Variants in DLGAP2 observed in about 807,000 individuals in gnomAD.
The protein encoded by DLGAP2 is DLG associated protein 2, also known as disks large-associated protein 2.
Under a neutral mutation model 100.3 loss-of-function variants are expected in DLGAP2, and 26 were observed. The ratio of observed to expected loss-of-function variants is 0.26; its 90% CI spans 0.19 to 0.36. The LOEUF (loss-of-function observed/expected upper bound fraction) is 0.36. Among genes scored for constraint, DLGAP2 ranks in the 10% least tolerant of loss-of-function variants. The probability of loss-of-function intolerance (pLI) is 1.00; values close to 1 mark genes in which losing one functional copy is unlikely to be tolerated. For synonymous variants in DLGAP2, 886 were observed against 630.1 expected, an observed-to-expected ratio of 1.41 and a Z score of -6.08; for missense variants, 1,858 against 1,453.2, an observed-to-expected ratio of 1.28 and a Z score of -4.53.
At chr8:1,076,619 C>A (rs2600499) in intron 2 of DLGAP2, among the ~76,000 whole-genome samples, 3 of 152,064 alleles carry the variant, frequency 2.0e-5, no homozygotes, top group Admixed American at 2.0e-4. Flanking sequence ...AGAAACTTTG[C>A]GGTCTGTACG....
chr8:1,342,800 A>G (rs78814416), intron 3 of DLGAP2, among the ~76,000 whole-genome samples: 45 of 152,270 alleles, frequency 3.0e-4, no homozygotes, highest in African/African-American at 1.1e-3. Context: ...TGTGGTGCCT[A>G]TTTGTCATTT....
At chr8:1,524,050 T>A (rs916636824) in intron 4 of DLGAP2, among the ~76,000 whole-genome samples, 1 of 152,206 alleles carries the variant, frequency 6.6e-6, no homozygotes, top group Non-Finnish European at 1.5e-5. Context: ...GTTTCTGATC[T>A]GCAGGGACGT....
rs561024118 is a variant in DLGAP2 at position 1,029,201 on chromosome 8, A to C, written c.73+121235A>C. Among the ~76,000 whole-genome samples, 395 of 152,290 alleles carry C rather than the reference A, an allele frequency of 2.6e-3. 2 individuals are homozygous for C. Among genetic ancestry groups the C allele is most frequent in the Non-Finnish European group, 4.8e-3 (325 of 68,020 alleles). ...AGCGGGAGGGCTCTGTAGAAAGTCCACAGAGCCTGCACTGGAACCGCTTGG... is the reference window on the plus strand; with the variant it reads ...AGCGGGAGGGCTCTGTAGAAAGTCCCCAGAGCCTGCACTGGAACCGCTTGG... On this transcript the variant is annotated intron_variant, in intron 2 of 14. Coordinates refer to ENST00000637795, the MANE Select transcript of DLGAP2 (RefSeq NM_001346810.2).
At chr8:1,409,921 T>G (rs753940540) in intron 3 of DLGAP2, among the ~76,000 whole-genome samples, 2 of 152,190 alleles carry the variant, frequency 1.3e-5, no homozygotes, top group African/African-American at 2.4e-5. Flanking sequence ...GCTGTGGGGC[T>G]TCTCAGCCTC....
At chr8:1,351,755 C>G (rs370204018) in intron 3 of DLGAP2, among the ~76,000 whole-genome samples, 17 of 45,806 alleles carry the variant, frequency 3.7e-4, no homozygotes, top group South Asian at 1.7e-3. Flanking sequence ...CGGGTCCTGA[C>G]TATGTGTGGA....
intron 2 of DLGAP2, among the ~76,000 whole-genome samples, chr8:1,213,037 G>A (rs1484401577): frequency 6.6e-6 from 1 of 152,066 alleles, no homozygotes; most frequent in East Asian, 1.9e-4. Context: ...GTCTCATGAT[G>A]AGAATTTGGG....
chr8:791,895 C>T (rs1267028759), intron 1 of DLGAP2, among the ~76,000 whole-genome samples: 1 of 152,174 alleles, frequency 6.6e-6, no homozygotes, highest in Non-Finnish European at 1.5e-5. Flanking sequence ...CAGTAAGTTG[C>T]ACACCCCATT....
chr8:987,119 C>T lies in DLGAP2; in HGVS notation c.73+79153C>T, dbSNP rs375924425. Reference sequence around the variant, plus strand: ...TTTTCCTATACTTCTTTGGGCATTTCGGTTCTTCCTGAATTCTCTCTGCTC... The same window carrying T: ...TTTTCCTATACTTCTTTGGGCATTTTGGTTCTTCCTGAATTCTCTCTGCTC... On this transcript the variant is annotated intron_variant, in intron 2 of 14. Coordinates refer to ENST00000637795, the MANE Select transcript of DLGAP2 (RefSeq NM_001346810.2). Among the ~76,000 whole-genome samples the T allele has an allele frequency of 9.9e-5, 15 of 152,272 alleles. No homozygotes were observed. The South Asian group carries it at 2.7e-3, about 27-fold the overall frequency.
At chr8:1,370,962 G>A (rs113846513) in intron 3 of DLGAP2, among the ~76,000 whole-genome samples, 34 of 152,350 alleles carry the variant, frequency 2.2e-4, no homozygotes, top group African/African-American at 6.3e-4. Flanking sequence ...TATGTTAGGC[G>A]CCTAGAACAG....
At chr8:825,415 T>C (rs1430807634) in intron 1 of DLGAP2, among the ~76,000 whole-genome samples, 1 of 152,226 alleles carries the variant, frequency 6.6e-6, no homozygotes, top group Non-Finnish European at 1.5e-5. Context: ...CCACAGAAGC[T>C]GGCCTCTGCC....
intron 1 of DLGAP2, among the ~76,000 whole-genome samples, chr8:899,273 A>G (rs769748237): frequency 6.6e-6 from 1 of 152,234 alleles, no homozygotes; most frequent in Non-Finnish European, 1.5e-5. Flanking sequence ...GGTGCAGCAC[A>G]GCCTGTGAGC....
chr8:1,017,774 G>A (rs531651396), intron 2 of DLGAP2, among the ~76,000 whole-genome samples: 9 of 152,086 alleles, frequency 5.9e-5, no homozygotes, highest in South Asian at 2.1e-4. Flanking sequence ...GGGTAGACTC[G>A]TCTGAGTGCA....
At chr8:1,339,421 G>C (rs369663909) in intron 3 of DLGAP2, among the ~76,000 whole-genome samples, 1 of 152,204 alleles carries the variant, frequency 6.6e-6, no homozygotes, top group African/African-American at 2.4e-5. Flanking sequence ...TGAGGCATCA[G>C]CAAGAAGGTG....
At chr8:1,652,355 G>A (rs74881039) in intron 8 of DLGAP2, among the ~76,000 whole-genome samples, 2,153 of 152,296 alleles carry the variant, frequency 0.014, 45 homozygotes, top group African/African-American at 0.05. Context: ...CACAGGGGCC[G>A]GGTTTTCCTC....
chr8:1,151,185 A>C (rs1796690827), intron 2 of DLGAP2, among the ~76,000 whole-genome samples: 1 of 152,164 alleles, frequency 6.6e-6, no homozygotes. Context: ...AGGAAGAAAA[A>C]CTTTTCCTCT....
intron 2 of DLGAP2, among the ~76,000 whole-genome samples, chr8:1,195,678 G>T (rs1195606444): frequency 6.6e-6 from 1 of 151,676 alleles, no homozygotes; most frequent in African/African-American, 2.4e-5. Context: ...TTTGTTTATG[G>T]ACGTCTTATC....
At chr8:1,526,151 G>A (rs1269872574) in intron 4 of DLGAP2, among the ~76,000 whole-genome samples, 1 of 151,092 alleles carries the variant, frequency 6.6e-6, no homozygotes, top group African/African-American at 2.4e-5. Flanking sequence ...AGTTCCCATG[G>A]TGTTCCCAAC....
intron 10 of DLGAP2, among the ~76,000 whole-genome samples, chr8:1,672,037 T>C (rs1021948308): frequency 2.0e-5 from 3 of 152,166 alleles, no homozygotes; most frequent in Non-Finnish European, 1.5e-5. Flanking sequence ...TCTCTCCTGC[T>C]AAGTTTTCCA....
intron 2 of DLGAP2, among the ~76,000 whole-genome samples, chr8:918,543 G>C (rs1370833276): frequency 6.6e-6 from 1 of 152,166 alleles, no homozygotes; most frequent in African/African-American, 2.4e-5. Context: ...CGCTGTGTCT[G>C]CATCGATCCT....
Sources: gnomAD v4.1 joint callset for allele counts (sites outside exome capture counted in the v4.1 genomes callset) on GRCh38, gnomAD v4.1.1 for gene constraint, MANE v1.5 for transcripts, NCBI Gene and HGNC (gene_info 2026-07-23, HGNC 2026-07-21) for gene names.